The following CREBBP variants were observed in gnomAD, a reference collection of about 807,000 sequenced individuals.
CREBBP encodes the protein CREB binding lysine acetyltransferase.
In CREBBP, 19 loss-of-function variants were observed where a neutral mutation model predicts 265.0. That is an observed-to-expected ratio of 0.07 (90% CI 0.05 to 0.11). The LOEUF (loss-of-function observed/expected upper bound fraction) is 0.11, where lower values mean the gene tolerates loss of function less well. CREBBP is among the 10% of genes least tolerant of loss of function. CREBBP has a pLI of 1.00. For synonymous variants in CREBBP, 1,457 were observed against 1,223.7 expected, an observed-to-expected ratio of 1.19 and a Z score of -3.98; for missense variants, 2,525 against 3,219.0, an observed-to-expected ratio of 0.78 and a Z score of 5.22.
intron 2 of CREBBP, among the ~76,000 whole-genome samples, chr16:3,827,706 T>G (rs528178785): frequency 1.3e-5 from 2 of 151,938 alleles, no homozygotes; most frequent in Non-Finnish European, 2.9e-5. Context: ...CTTTTTATTT[T>G]TTTAGAGACA....
intron 28 of CREBBP, among the ~76,000 whole-genome samples, chr16:3,732,697 C>A (rs762739260): frequency 6.6e-6 from 1 of 151,844 alleles, no homozygotes; most frequent in Non-Finnish European, 1.5e-5. Flanking sequence ...CCACCATGCC[C>A]GGCTACCTAT....
intron 2 of CREBBP, among the ~76,000 whole-genome samples, chr16:3,829,765 C>G (rs1300525932): frequency 6.6e-6 from 1 of 152,198 alleles, no homozygotes; most frequent in Non-Finnish European, 1.5e-5. Context: ...ACCATTTCCA[C>G]TACACAGTCT....
At chr16:3,740,686 T>G (rs1213494387) in intron 23 of CREBBP, 137 bp from the exon 24 acceptor site, 2 of 1,021,972 alleles carry the variant, frequency 2.0e-6, no homozygotes, top group Non-Finnish European at 1.5e-6. Context: ...ACGGAAGAAA[T>G]CTAATCTGTC....
At chr16:3,863,634 G>A (rs990864067) in intron 1 of CREBBP, among the ~76,000 whole-genome samples, 6 of 152,080 alleles carry the variant, frequency 3.9e-5, no homozygotes, top group African/African-American at 1.4e-4. Flanking sequence ...ACCCTAGACA[G>A]TCCTTATTCA....
At chr16:3,843,410 A>G (rs1379403999) in intron 2 of CREBBP, among the ~76,000 whole-genome samples, 3 of 136,630 alleles carry the variant, frequency 2.2e-5, no homozygotes, top group East Asian at 2.2e-4. Context: ...AAATAGCAAT[A>G]AAGTTGTCAA....
At chr16:3,786,093 T>C (rs1265005319) in intron 5 of CREBBP, among the ~76,000 whole-genome samples, 1 of 152,270 alleles carries the variant, frequency 6.6e-6, no homozygotes, top group Non-Finnish European at 1.5e-5. Flanking sequence ...CTGGGTGCAG[T>C]GGCTCATGCC....
rs745779606 is a variant in CREBBP, at chr16:3,738,691, T to C, written c.4281-19A>G. Reference sequence around the variant, plus strand: ...CACACGCCTGTGGGAAGGAGGCACATGTTTAACTCAGGGTATCCCTCAAAT... The same window carrying C: ...CACACGCCTGTGGGAAGGAGGCACACGTTTAACTCAGGGTATCCCTCAAAT... On this transcript the variant is annotated intron_variant, in intron 25 of 30. Coordinates refer to ENST00000262367, the MANE Select transcript of CREBBP (RefSeq NM_004380.3). The C allele has an allele frequency of 4.7e-6, 7 of 1,492,476 alleles. No individual in the cohort carries two copies. The highest frequency in any genetic ancestry group is 2.8e-5 in the African/African-American group (2 of 72,224). 92.5% of individuals were successfully genotyped at this position (1,492,476 alleles called of 1,614,324 possible).
At chr16:3,809,737 CAACA>C (rs1160612364) in intron 3 of CREBBP, among the ~76,000 whole-genome samples, 8 of 152,116 alleles carry the variant, frequency 5.3e-5, no homozygotes, top group African/African-American at 1.9e-4. Flanking sequence ...GCTATCTTTA[CAACA>C]AATACTTCAA....
intron 5 of CREBBP, 54 bp from the exon 6 acceptor site, chr16:3,782,980 A>G (rs202220408): frequency 9.1e-5 from 146 of 1,611,376 alleles, no homozygotes; most frequent in Non-Finnish European, 1.1e-4. Context: ...AAAAGGGAGA[A>G]GCCCACGAAT....
chr16:3,805,464 G>A (rs2053810027), intron 3 of CREBBP, among the ~76,000 whole-genome samples: 1 of 152,234 alleles, frequency 6.6e-6, no homozygotes, highest in African/African-American at 2.4e-5. Flanking sequence ...TACTTGTGCA[G>A]TGAAAGGAGC....
In CREBBP at chr16:3,879,716, GC is replaced by G. The variant is rs981194058; in HGVS notation, c.85+115del. Reference sequence around the variant, plus strand: ...CGGGGCGAGGGGAACGGGCTGCGGGGCCTGCTCCGAGCTCCCGGCTCGATCG... The same window carrying G: ...CGGGGCGAGGGGAACGGGCTGCGGGGCTGCTCCGAGCTCCCGGCTCGATCG... On this transcript the variant is annotated intron_variant, in intron 1 of 30. Coordinates refer to ENST00000262367, the MANE Select transcript of CREBBP (RefSeq NM_004380.3). 6 of 1,108,346 alleles carry G rather than the reference GC, an allele frequency of 5.4e-6. No homozygotes were observed. In the African/African-American group the frequency reaches 9.4e-5, roughly 17 times the overall value. The allele number at this position is 1,108,346 out of a possible 1,614,324, so 68.7% of individuals were successfully genotyped here.
chr16:3,873,850 T>C (rs2055347753), intron 1 of CREBBP, among the ~76,000 whole-genome samples: 1 of 152,148 alleles, frequency 6.6e-6, no homozygotes, highest in Admixed American at 6.5e-5. Context: ...TGCTTGAAAG[T>C]AAAACCTTAA....
At position 3,837,099 on chromosome 16, in the gene CREBBP, C is replaced by T. The variant is rs570307738; in HGVS notation, c.798+13198G>A. 3.9e-5 allele frequency among the ~76,000 whole-genome samples: 6 copies of T among 152,264 alleles called. 1 individual carries two copies. The South Asian group carries it at 1.2e-3, about 32-fold the overall frequency. On this transcript the variant is annotated intron_variant, in intron 2 of 30. Transcript: ENST00000262367. ...AGTTAACTGTAAAACAGCCTCAAGG[C>T]AGGTCCTTCAGGCGGTATTCCAGAA...
rs754386072 is a variant in CREBBP at position 3,773,911 on chromosome 16, C to G, written c.2303G>C (p.Arg768Pro). The G allele has an allele frequency of 6.2e-7, 1 of 1,612,114 alleles. No homozygotes were observed. Among genetic ancestry groups the G allele is most frequent in the Non-Finnish European group, 8.5e-7 (1 of 1,180,008 alleles). Residue 768 changes from arginine to proline, a missense_variant, in exon 13 of 31, where the codon CGA (arginine) becomes CCA (proline). By Grantham distance (103) the Arg-to-Pro change is moderately radical (BLOSUM62 -2). Around this residue, in one of 19 missense-constraint regions of CREBBP, gnomAD observed 548 missense variants for 533.0 expected, o/e 1.03. Transcript: ENST00000262367. Reference sequence around the variant, plus strand: ...CATCATGTTCGGAGGCTGAGGCATTCGGGAAGGAGAAATGGCCATCTACGA... The same window carrying G: ...CATCATGTTCGGAGGCTGAGGCATTGGGGAAGGAGAAATGGCCATCTACGA... ...SVPGMAISPS[R>P]MPQPPNMMGA... is the part of the protein sequence containing the mutation.
intron 1 of CREBBP, among the ~76,000 whole-genome samples, chr16:3,858,923 G>T (rs918299777): frequency 6.6e-6 from 1 of 152,178 alleles, no homozygotes; most frequent in Non-Finnish European, 1.5e-5. Flanking sequence ...AAATAAGCAT[G>T]TAAGAGTTCA....
intron 2 of CREBBP, among the ~76,000 whole-genome samples, chr16:3,812,240 G>A (rs2053952708): frequency 1.3e-5 from 2 of 151,998 alleles, no homozygotes; most frequent in South Asian, 2.1e-4. Flanking sequence ...GTGCAGTGGC[G>A]TGATCTCGGC....
intron 2 of CREBBP, among the ~76,000 whole-genome samples, chr16:3,847,122 G>T (rs1444666066): frequency 6.6e-6 from 1 of 152,012 alleles, no homozygotes; most frequent in African/African-American, 2.4e-5. Context: ...TCATATAATG[G>T]AATACTTTGC....
At chr16:3,871,271 C>T (rs144651550) in intron 1 of CREBBP, among the ~76,000 whole-genome samples, 10 of 151,736 alleles carry the variant, frequency 6.6e-5, no homozygotes, top group Admixed American at 1.3e-4. Context: ...GTCACCAGCC[C>T]AAGTCACAGC....
At chr16:3,763,933 C>G (rs1283841930) in intron 16 of CREBBP, among the ~76,000 whole-genome samples, 3 of 151,462 alleles carry the variant, frequency 2.0e-5, no homozygotes, top group African/African-American at 7.3e-5. Flanking sequence ...CAGCCTCCAC[C>G]TCCTGGGTTC....
Sources: gnomAD v4.1 joint callset for allele counts (sites outside exome capture counted in the v4.1 genomes callset) on GRCh38, gnomAD v4.1.1 for gene constraint, gnomAD v4.1.1 regional missense constraint, MANE v1.5 for transcripts, NCBI Gene and HGNC (gene_info 2026-07-23, HGNC 2026-07-21) for gene names.